Variants in CWH43 observed in about 807,000 individuals in gnomAD.
CWH43 encodes the protein PGAP2-interacting protein.
Under a neutral mutation model 85.7 loss-of-function variants are expected in CWH43, and 91 were observed. The observed-to-expected ratio is 1.06, with a 90% CI of 0.90 to 1.26. The LOEUF (loss-of-function observed/expected upper bound fraction) is 1.26. CWH43 is among the 50% of genes most tolerant of loss of function. The probability of loss-of-function intolerance (pLI) is 0.00; values close to 1 mark genes in which losing one functional copy is unlikely to be tolerated. For synonymous variants in CWH43, 323 were observed against 293.6 expected (o/e 1.10, Z -1.02); for missense variants, 869 against 839.2 (o/e 1.04, Z -0.44).
chr4:49,032,585 T>C lies in CWH43; in HGVS notation c.1528T>C (p.Tyr510His), dbSNP rs764937989. 5.0e-6 allele frequency: 8 copies of C among 1,614,022 alleles called. No individual in the cohort carries two copies. The South Asian group carries it at 6.6e-5, about 13-fold the overall frequency. ...HTWGIMALSR[Y>H]PIVKSEHHLL... Reference sequence around the variant, plus strand: ...ATACAGGATTATGGCTTTGTCAAGATACCCAATTGTGAAATCTGAGCATCA... The same window carrying C: ...ATACAGGATTATGGCTTTGTCAAGACACCCAATTGTGAAATCTGAGCATCA... Residue 510 changes from tyrosine (Y) to histidine (H), a missense_variant, in exon 12 of 16, where the codon TAC becomes CAC. Physicochemically the swap from Tyr to His is moderately conservative, Grantham distance 83 (BLOSUM62 2). This residue lies in a region of CWH43 where 577 missense variants were observed against 513.1 expected (regional missense o/e 1.12). Coordinates refer to ENST00000226432, the MANE Select transcript of CWH43 (RefSeq NM_025087.3).
At chr4:49,017,836 C>G (rs1454973756) in intron 9 of CWH43, among the ~76,000 whole-genome samples, 1 of 151,026 alleles carries the variant, frequency 6.6e-6, no homozygotes, top group Non-Finnish European at 1.5e-5. Context: ...AGGTGCTACA[C>G]ATTTTTTTTT....
chr4:49,053,239 A>G (rs1784852727), intron 15 of CWH43, among the ~76,000 whole-genome samples: 1 of 152,196 alleles, frequency 6.6e-6, no homozygotes. Flanking sequence ...ATAGTGAAAA[A>G]TGCTGCAGTG....
intron 9 of CWH43, among the ~76,000 whole-genome samples, chr4:49,025,737 C>G (rs1345965742): frequency 1.3e-5 from 2 of 152,212 alleles, no homozygotes; most frequent in Non-Finnish European, 2.9e-5. Context: ...GATACCAGCA[C>G]TTGCTCCAGT....
At chr4:49,033,009 G>T (rs1051563424) in intron 12 of CWH43, among the ~76,000 whole-genome samples, 2 of 152,100 alleles carry the variant, frequency 1.3e-5, no homozygotes, top group African/African-American at 4.8e-5. Context: ...TCTGTGTAGG[G>T]TAAGCACTCT....
At chr4:49,059,030 G>A (rs1406679360) in intron 15 of CWH43, among the ~76,000 whole-genome samples, 1 of 152,060 alleles carries the variant, frequency 6.6e-6, no homozygotes, top group African/African-American at 2.4e-5. Flanking sequence ...GGAAAGTTCA[G>A]CTGCTTTTTT....
chr4:49,013,226 C>T lies in CWH43; in HGVS notation c.1187-4023C>T, dbSNP rs561348112. ...AGATGCCCCTCCCCCAACCAGGCTGCGCCTTGGAGGTTGATCTCAGACTGC... is the reference window on the plus strand; with the variant it reads ...AGATGCCCCTCCCCCAACCAGGCTGTGCCTTGGAGGTTGATCTCAGACTGC... On this transcript the variant is annotated intron_variant, in intron 8 of 15. Transcript: ENST00000226432. Among the ~76,000 whole-genome samples, 7 of 152,380 alleles carry T rather than the reference C, an allele frequency of 4.6e-5. No homozygotes were observed. The East Asian group carries it at 5.8e-4, about 13-fold the overall frequency.
Position 49,038,129 on chromosome 4 carries a change from A to G in CWH43, c.1752A>G (p.Ser584=), listed in dbSNP as rs1260948371. The part of the protein sequence containing the change: ...NQVIFLGYIT[S]APGSRDYLQL... ...TGATATTTCTGGGATATATCACTTCAGCACCTGGCTCCAGAGATTATCTAC... is the reference window on the plus strand; with the variant it reads ...TGATATTTCTGGGATATATCACTTCGGCACCTGGCTCCAGAGATTATCTAC... The change falls in exon 13 of 16, where the codon TCA becomes TCG. Residue 584 remains serine (S), a synonymous_variant. Transcript: ENST00000226432. 1 of 1,611,924 alleles carries G rather than the reference A, an allele frequency of 6.2e-7. No individual in the cohort carries two copies. The highest frequency in any genetic ancestry group is 8.5e-7 in the Non-Finnish European group (1 of 1,178,848).
At chr4:49,026,783 A>G (rs114311748) in intron 9 of CWH43, among the ~76,000 whole-genome samples, 3 of 152,146 alleles carry the variant, frequency 2.0e-5, no homozygotes, top group Non-Finnish European at 4.4e-5. Context: ...TTATCCAGTC[A>G]TTGGTCGATG....
chr4:49,026,170 C>A (rs1252082205), intron 9 of CWH43, among the ~76,000 whole-genome samples: 1 of 152,186 alleles, frequency 6.6e-6, no homozygotes, highest in Non-Finnish European at 1.5e-5. Flanking sequence ...TCTCATGCAA[C>A]CCACAGCATG....
chr4:49,005,722 G>A (rs1335690620), intron 7 of CWH43, among the ~76,000 whole-genome samples: 1 of 151,764 alleles, frequency 6.6e-6, no homozygotes, highest in Admixed American at 6.6e-5. Context: ...GTTGTTTTTT[G>A]TAGAGATGGG....
At chr4:48,991,349 T>C in intron 2 of CWH43, 105 bp from the exon 3 acceptor site, 2 of 1,183,250 alleles carry the variant, frequency 1.7e-6, no homozygotes, top group South Asian at 3.3e-5. Flanking sequence ...CAACTCTGTC[T>C]TCCTGAGTAT....
At chr4:49,008,966 T>C (rs1056783567) in intron 8 of CWH43, among the ~76,000 whole-genome samples, 2 of 152,348 alleles carry the variant, frequency 1.3e-5, no homozygotes, top group East Asian at 3.9e-4. Flanking sequence ...GGGCTCTTTT[T>C]TGGTTCTATA....
At chr4:49,035,872 T>C (rs1158408093) in intron 12 of CWH43, among the ~76,000 whole-genome samples, 2 of 152,280 alleles carry the variant, frequency 1.3e-5, no homozygotes, top group Admixed American at 1.3e-4. Flanking sequence ...GTTAGTAGCT[T>C]TGGAATTTTC....
At chr4:49,013,216 A>C (rs549645789) in intron 8 of CWH43, among the ~76,000 whole-genome samples, 56 of 152,316 alleles carry the variant, frequency 3.7e-4, no homozygotes, top group African/African-American at 1.3e-3. Flanking sequence ...CCCCTCCCCC[A>C]ACCAGGCTGC....
At chr4:49,045,725 AT>A (rs1264010168) in intron 14 of CWH43, among the ~76,000 whole-genome samples, 1 of 152,058 alleles carries the variant, frequency 6.6e-6, no homozygotes, top group Non-Finnish European at 1.5e-5. Context: ...TTTTTTTTAA[AT>A]ATATTTTTAT....
Position 48,997,431 on chromosome 4 carries a change from G to A in CWH43, c.714-1029G>A, listed in dbSNP as rs1372002143. 2.0e-5 allele frequency among the ~76,000 whole-genome samples: 3 copies of A among 152,166 alleles called. No homozygotes were observed. The South Asian group carries it at 6.2e-4, about 32-fold the overall frequency. ...GGAATGTGAGCTCTATGGGAGAAAG[G>A]GATCGTTGTTCATTGATGCATCCCA... On this transcript the variant is annotated intron_variant, in intron 5 of 15. Transcript: ENST00000226432.
intron 8 of CWH43, among the ~76,000 whole-genome samples, chr4:49,009,401 T>C (rs1486763155): frequency 6.6e-6 from 1 of 152,208 alleles, no homozygotes. Flanking sequence ...TTTCTAAATA[T>C]ACAGTCATGT....
chr4:48,991,010 A>G (rs1378298452), intron 2 of CWH43, among the ~76,000 whole-genome samples: 4 of 152,218 alleles, frequency 2.6e-5, no homozygotes, highest in Non-Finnish European at 5.9e-5. Context: ...CGTTATGCTA[A>G]GGGAAAGAAG....
chr4:49,005,563 CT>C lies in CWH43; in HGVS notation c.1060+1585del, dbSNP rs1267997352. ...TATTAGGGTTCTGTTTTTTTTTTTT[CT>C]TTTTTTTTTTTTTGAGACAGGGTCT... On this transcript the variant is annotated intron_variant, in intron 7 of 15. Coordinates refer to ENST00000226432, the MANE Select transcript of CWH43 (RefSeq NM_025087.3). 5.5e-3 allele frequency among the ~76,000 whole-genome samples: 701 copies of C among 127,848 alleles called. 1 individual carries two copies. Among genetic ancestry groups the C allele is most frequent in the East Asian group, 0.015 (64 of 4,320 alleles). 83.9% of individuals were successfully genotyped at this position (127,848 alleles called of 152,430 possible). A position where few individuals can be genotyped will look rare whatever the true frequency, so the allele number is the denominator to read the frequency against.
Sources: allele counts gnomAD v4.1 joint callset (sites outside exome capture counted in the v4.1 genomes callset), GRCh38; gene constraint gnomAD v4.1.1; regional missense constraint gnomAD v4.1.1; transcripts MANE v1.5; gene names NCBI Gene and HGNC (gene_info 2026-07-23, HGNC 2026-07-21).